The following CDYL2 variants were observed in gnomAD, a reference collection of about 807,000 sequenced individuals.
CDYL2 encodes chromodomain Y-like protein 2.
In CDYL2, 23 loss-of-function variants were observed where a neutral mutation model predicts 49.4. The ratio of observed to expected loss-of-function variants is 0.47; its 90% CI spans 0.34 to 0.66. The LOEUF (loss-of-function observed/expected upper bound fraction) is 0.66. Among genes scored for constraint, CDYL2 ranks in the 30% least tolerant of loss-of-function variants. CDYL2 has a pLI of 0.01. For synonymous variants in CDYL2, 360 were observed against 268.8 expected, an observed-to-expected ratio of 1.34 and a Z score of -3.32; for missense variants, 678 against 656.4, an observed-to-expected ratio of 1.03 and a Z score of -0.36.
chr16:80,679,584 G>T (rs1909893134), intron 2 of CDYL2: 1 of 390,836 alleles, frequency 2.6e-6, no homozygotes, highest in Non-Finnish European at 5.1e-6. Flanking sequence ...AGGTACTTTG[G>T]AAACTCCAAG....
chr16:80,726,685 T>C (rs4513113), intron 1 of CDYL2, among the ~76,000 whole-genome samples: 117,866 of 152,132 alleles, frequency 0.77, 48,080 homozygotes, highest in Non-Finnish European at 0.91. Context: ...CTTAGAAAAA[T>C]GTTTGACTCT....
chr16:80,645,061 T>A (rs1384872744), intron 2 of CDYL2, among the ~76,000 whole-genome samples: 2 of 152,124 alleles, frequency 1.3e-5, no homozygotes, highest in African/African-American at 4.8e-5. Flanking sequence ...GGCAATACCA[T>A]TCAGGACATA....
chr16:80,619,517 G>C (rs369961193), intron 4 of CDYL2, among the ~76,000 whole-genome samples: 20 of 152,306 alleles, frequency 1.3e-4, no homozygotes, highest in African/African-American at 4.6e-4. Context: ...ATGGGCACTT[G>C]TTTCTCTGGA....
chr16:80,635,671 T>A (rs1907787359), intron 2 of CDYL2, among the ~76,000 whole-genome samples: 1 of 152,168 alleles, frequency 6.6e-6, no homozygotes, highest in Non-Finnish European at 1.5e-5. Context: ...GCTATCTCTA[T>A]CAAGTTACCA....
At chr16:80,777,914 A>C (rs1907141838) in intron 1 of CDYL2, among the ~76,000 whole-genome samples, 1 of 152,068 alleles carries the variant, frequency 6.6e-6, no homozygotes, top group Admixed American at 6.5e-5. Flanking sequence ...CAATACTAAA[A>C]TTCTAAACAC....
At chr16:80,794,598 ATTTTTTTTTTT>A (rs966789395) in intron 1 of CDYL2, among the ~76,000 whole-genome samples, 2 of 66,864 alleles carry the variant, frequency 3.0e-5, no homozygotes, top group South Asian at 1.0e-3. Context: ...ATTCCCAGTG[ATTTTTTTTTTT>A]TTTTTTTTTT....
chr16:80,721,932 A>C lies in CDYL2; in HGVS notation c.25-36803T>G, dbSNP rs947051233. Among the ~76,000 whole-genome samples, 5 of 152,236 alleles carry C rather than the reference A, an allele frequency of 3.3e-5. No individual in the cohort carries two copies. In the East Asian group the frequency reaches 9.6e-4, roughly 29 times the overall value. On this transcript the variant is annotated intron_variant, in intron 1 of 6. Transcript: ENST00000570137. ...GACTGTATTCCAGGCACAGCGACGA[A>C]GAGGTCCTAGCCACTACCCAGTTCT...
At chr16:80,663,812 C>G (rs1409683849) in intron 2 of CDYL2, among the ~76,000 whole-genome samples, 1 of 152,130 alleles carries the variant, frequency 6.6e-6, no homozygotes, top group African/African-American at 2.4e-5. Flanking sequence ...AGACTGGTCT[C>G]GAATTCCTGA....
chr16:80,725,316 T>G (rs368734080), intron 1 of CDYL2, among the ~76,000 whole-genome samples: 1 of 152,186 alleles, frequency 6.6e-6, no homozygotes, highest in African/African-American at 2.4e-5. Context: ...TTAGATAAAA[T>G]TGGAGACCCG....
intron 3 of CDYL2, among the ~76,000 whole-genome samples, chr16:80,623,131 C>G (rs1907156097): frequency 1.3e-5 from 2 of 152,056 alleles, no homozygotes; most frequent in Admixed American, 6.6e-5. Flanking sequence ...AAGTGTAGTC[C>G]TTGGAACAGC....
At position 80,601,977 on chromosome 16, in the gene CDYL2, G is replaced by C. The variant is rs923160684; in HGVS notation, c.*2411C>G. On this transcript the variant is annotated 3_prime_UTR_variant, in exon 7 of 7. Coordinates refer to ENST00000570137, the MANE Select transcript of CDYL2 (RefSeq NM_152342.4). ...AATGAAGGTGGACACTGATCTAAAG[G>C]AATTTCTAAACATCCCCTTCCATGT... 1 of 152,148 alleles carries C rather than the reference G, an allele frequency of 6.6e-6. No homozygotes were observed. The highest frequency in any genetic ancestry group is 1.5e-5 in the Non-Finnish European group (1 of 68,024). 9.4% of individuals were successfully genotyped at this position (152,148 alleles called of 1,614,324 possible).
chr16:80,651,449 A>G (rs926969099), intron 2 of CDYL2, among the ~76,000 whole-genome samples: 1 of 152,204 alleles, frequency 6.6e-6, no homozygotes, highest in Middle Eastern at 3.2e-3. Context: ...AATAAGGGGA[A>G]GGTCAAATAG....
At chr16:80,752,602 G>C (rs1906173869) in intron 1 of CDYL2, among the ~76,000 whole-genome samples, 1 of 152,172 alleles carries the variant, frequency 6.6e-6, no homozygotes, top group African/African-American at 2.4e-5. Context: ...CAACAGAAGA[G>C]CTAAAATACA....
At chr16:80,624,360 C>T (rs944569080) in intron 3 of CDYL2, among the ~76,000 whole-genome samples, 2 of 152,178 alleles carry the variant, frequency 1.3e-5, no homozygotes, top group Non-Finnish European at 2.9e-5. Flanking sequence ...AAACTCCATA[C>T]CTGCCCTGTA....
At chr16:80,729,136 A>G (rs1028742885) in intron 1 of CDYL2, among the ~76,000 whole-genome samples, 1 of 152,258 alleles carries the variant, frequency 6.6e-6, no homozygotes, top group East Asian at 1.9e-4. Context: ...AAATGCTCCA[A>G]TTAAAAGACA....
intron 2 of CDYL2, among the ~76,000 whole-genome samples, chr16:80,636,312 G>A (rs1567550218): frequency 1.3e-5 from 2 of 152,098 alleles, no homozygotes; most frequent in African/African-American, 4.8e-5. Context: ...CTATTCATCT[G>A]ACAAAGGGCT....
At chr16:80,783,134 T>C (rs1333132701) in intron 1 of CDYL2, among the ~76,000 whole-genome samples, 1 of 152,130 alleles carries the variant, frequency 6.6e-6, no homozygotes, top group African/African-American at 2.4e-5. Flanking sequence ...GAAAATATTT[T>C]CAAATCATGT....
chr16:80,724,336 G>A (rs547932859), intron 1 of CDYL2, among the ~76,000 whole-genome samples: 22 of 152,006 alleles, frequency 1.4e-4, no homozygotes, highest in Middle Eastern at 6.8e-3. Flanking sequence ...AAGAGGAGGA[G>A]GAGGAAGAAA....
chr16:80,749,588 A>G (rs976978728), intron 1 of CDYL2, among the ~76,000 whole-genome samples: 9 of 152,172 alleles, frequency 5.9e-5, no homozygotes, highest in Non-Finnish European at 1.3e-4. Flanking sequence ...AGACACCCCA[A>G]TAACTAACTC....
Sources: allele counts gnomAD v4.1 joint callset (sites outside exome capture counted in the v4.1 genomes callset), GRCh38; gene constraint gnomAD v4.1.1; transcripts MANE v1.5; gene names NCBI Gene and HGNC (gene_info 2026-07-23, HGNC 2026-07-21).